The following CA10 variants were observed in gnomAD, a reference collection of about 807,000 sequenced individuals.
CA10 encodes carbonic anhydrase 10 (inactive).
A neutral mutation model predicts 44.2 loss-of-function variants in CA10; 14 were observed. The observed-to-expected ratio is 0.32, with a 90% confidence interval of 0.21 to 0.50. CA10 has a LOEUF of 0.50. Among genes scored for constraint, CA10 ranks in the 20% least tolerant of loss-of-function variants. CA10 has a pLI of 0.99. For synonymous variants in CA10, 159 were observed against 141.6 expected (o/e 1.12, Z -0.87); for missense variants, 350 against 409.7 (o/e 0.85, Z 1.26).
At chr17:51,947,830 C>A (rs1324280734) in intron 2 of CA10, among the ~76,000 whole-genome samples, 2 of 151,908 alleles carry the variant, frequency 1.3e-5, no homozygotes, top group Non-Finnish European at 2.9e-5. Context: ...CTTGCAAAGC[C>A]CTATAGAATA....
chr17:52,147,203 T>C (rs954710536), intron 1 of CA10, among the ~76,000 whole-genome samples: 4 of 152,182 alleles, frequency 2.6e-5, no homozygotes, highest in African/African-American at 9.7e-5. Context: ...ATAATTTTTT[T>C]CCTAATTTTT....
chr17:51,810,602 A>T (rs1907322820), intron 3 of CA10, among the ~76,000 whole-genome samples: 1 of 152,222 alleles, frequency 6.6e-6, no homozygotes, highest in Non-Finnish European at 1.5e-5. Context: ...CAGCTCAAGA[A>T]GAAGCCCCGG....
chr17:51,966,893 A>T (rs1445539880), intron 2 of CA10, among the ~76,000 whole-genome samples: 2 of 151,968 alleles, frequency 1.3e-5, no homozygotes, highest in Admixed American at 6.6e-5. Context: ...GAGCTTCTGT[A>T]CAGCGAAAGA....
At chr17:51,831,869 C>A (rs968663187) in intron 3 of CA10, among the ~76,000 whole-genome samples, 3 of 152,010 alleles carry the variant, frequency 2.0e-5, no homozygotes, top group African/African-American at 7.3e-5. Context: ...TTACAGGGGG[C>A]AAAGACATTC....
intron 3 of CA10, among the ~76,000 whole-genome samples, chr17:51,759,118 C>G (rs191035410): frequency 6.6e-6 from 1 of 152,254 alleles, no homozygotes; most frequent in Admixed American, 6.5e-5. Context: ...CTGGAGAGTT[C>G]TTGTCAAGCC....
intron 3 of CA10, among the ~76,000 whole-genome samples, chr17:51,884,964 G>A (rs772176490): frequency 7.9e-5 from 12 of 152,098 alleles, no homozygotes; most frequent in Non-Finnish European, 1.6e-4. Flanking sequence ...GAGGATATCA[G>A]TCATTGAAAT....
chr17:52,092,225 C>A (rs902237728), intron 1 of CA10, among the ~76,000 whole-genome samples: 1 of 152,078 alleles, frequency 6.6e-6, no homozygotes, highest in African/African-American at 2.4e-5. Context: ...TCTTTCTTGT[C>A]CACAGAATTT....
intron 1 of CA10, among the ~76,000 whole-genome samples, chr17:52,108,263 G>A (rs977329105): frequency 3.1e-4 from 45 of 143,168 alleles, no homozygotes; most frequent in Admixed American, 2.6e-3. Context: ...GCCATAAAAG[G>A]AATGAATTAA....
intron 3 of CA10, among the ~76,000 whole-genome samples, chr17:51,828,641 T>A (rs1383040129): frequency 6.6e-6 from 1 of 152,082 alleles, no homozygotes; most frequent in East Asian, 1.9e-4. Context: ...ATTCCACCAT[T>A]GAAACAAATA....
chr17:52,069,654 G>A (rs114643972), intron 2 of CA10, among the ~76,000 whole-genome samples: 10 of 152,222 alleles, frequency 6.6e-5, no homozygotes, highest in African/African-American at 2.2e-4. Context: ...TTTATTAACC[G>A]CCCAAACTTG....
chr17:51,684,822 T>C (rs774724264), intron 4 of CA10, among the ~76,000 whole-genome samples: 2 of 152,178 alleles, frequency 1.3e-5, no homozygotes, highest in Non-Finnish European at 2.9e-5. Context: ...CCAAAGAGAA[T>C]TTATAATGCC....
At chr17:51,778,726 G>C (rs560622440) in intron 3 of CA10, among the ~76,000 whole-genome samples, 83 of 152,318 alleles carry the variant, frequency 5.4e-4, no homozygotes, top group Admixed American at 7.8e-4. Flanking sequence ...GAGATGAGCA[G>C]GGCACTTTCT....
intron 1 of CA10, among the ~76,000 whole-genome samples, chr17:52,114,027 A>G (rs1988839668): frequency 6.6e-6 from 1 of 152,242 alleles, no homozygotes; most frequent in African/African-American, 2.4e-5. Flanking sequence ...TTGACAGAAC[A>G]TAGCTGAATA....
At chr17:51,932,614 G>A (rs1408741719) in intron 2 of CA10, among the ~76,000 whole-genome samples, 1 of 152,034 alleles carries the variant, frequency 6.6e-6, no homozygotes, top group Non-Finnish European at 1.5e-5. Flanking sequence ...ATTTCCTTTA[G>A]TTTAAGGAGT....
At chr17:51,786,278 G>A (rs147494928) in intron 3 of CA10, among the ~76,000 whole-genome samples, 165 of 151,654 alleles carry the variant, frequency 1.1e-3, no homozygotes, top group African/African-American at 3.6e-3. Flanking sequence ...CAGGGAGGAC[G>A]CATTGGCTCG....
intron 6 of CA10, among the ~76,000 whole-genome samples, chr17:51,637,006 G>A (rs1276366906): frequency 6.6e-6 from 1 of 152,012 alleles, no homozygotes; most frequent in African/African-American, 2.4e-5. Context: ...ATTTTGGTGT[G>A]TTTCCTGTTA....
At chr17:51,926,327 G>T (rs184615062) in intron 3 of CA10, among the ~76,000 whole-genome samples, 1 of 152,106 alleles carries the variant, frequency 6.6e-6, no homozygotes, top group Admixed American at 6.6e-5. Context: ...CAGGAAAAAG[G>T]CTGTTTCTGA....
chr17:51,986,545 C>A (rs1465057057), intron 2 of CA10, among the ~76,000 whole-genome samples: 2 of 151,842 alleles, frequency 1.3e-5, no homozygotes, highest in African/African-American at 4.8e-5. Context: ...TTTTGAATGG[C>A]AAAGGGAAGA....
chr17:51,848,094 G>A lies in CA10; in HGVS notation c.279+82896C>T, dbSNP rs1457019796. Among the ~76,000 whole-genome samples the A allele has an allele frequency of 3.9e-5, 6 of 152,142 alleles. No individual in the cohort carries two copies. The East Asian group carries it at 9.6e-4, about 24-fold the overall frequency. ...GAGGTGCCAAAATCTCAGTGATTGA[G>A]ATAAGTAATATTTTCATGCAATATT... On this transcript the variant is annotated intron_variant, in intron 3 of 8. Coordinates refer to ENST00000451037, the MANE Select transcript of CA10 (RefSeq NM_020178.5).
Sources: gnomAD v4.1 joint callset for allele counts (sites outside exome capture counted in the v4.1 genomes callset) on GRCh38, gnomAD v4.1.1 for gene constraint, MANE v1.5 for transcripts, NCBI Gene and HGNC (gene_info 2026-07-23, HGNC 2026-07-21) for gene names.